The following EXOC6B variants were observed in gnomAD, a reference collection of about 807,000 sequenced individuals.
EXOC6B encodes the protein exocyst complex component 6B.
A neutral mutation model predicts 113.5 loss-of-function variants in EXOC6B; 54 were observed. The ratio of observed to expected loss-of-function variants is 0.48; its 90% CI spans 0.38 to 0.60. The LOEUF (loss-of-function observed/expected upper bound fraction) is 0.60, where lower values mean the gene tolerates loss of function less well. EXOC6B is among the 20% of genes least tolerant of loss of function. EXOC6B has a pLI of 0.00. For missense variants in EXOC6B, 797 were observed against 977.5 expected (o/e 0.82, Z 2.46); for synonymous variants, 357 against 339.0 (o/e 1.05, Z -0.58).
intron 11 of EXOC6B, among the ~76,000 whole-genome samples, chr2:72,511,885 T>TC (rs1450864150): frequency 6.6e-6 from 1 of 152,108 alleles, no homozygotes; most frequent in African/African-American, 2.4e-5. Context: ...AGTTCATGGG[T>TC]CATGGATGAT....
At chr2:72,318,818 G>A (rs1687678467) in intron 20 of EXOC6B, among the ~76,000 whole-genome samples, 1 of 151,766 alleles carries the variant, frequency 6.6e-6, no homozygotes, top group Admixed American at 6.6e-5. Context: ...GAGATTCATG[G>A]GCCATTTAAT....
chr2:72,406,951 C>T (rs1018084763), intron 18 of EXOC6B, among the ~76,000 whole-genome samples: 1 of 151,880 alleles, frequency 6.6e-6, no homozygotes, highest in Non-Finnish European at 1.5e-5. Flanking sequence ...AATTGATAGA[C>T]TAATAAAGAA....
chr2:72,528,395 T>TA, intron 8 of EXOC6B, among the ~76,000 whole-genome samples: 1 of 152,216 alleles, frequency 6.6e-6, no homozygotes, highest in East Asian at 1.9e-4. Context: ...CCCACTCATC[T>TA]AACAGTCTAG....
At chr2:72,608,044 A>G (rs544291744) in intron 6 of EXOC6B, among the ~76,000 whole-genome samples, 3 of 152,276 alleles carry the variant, frequency 2.0e-5, no homozygotes, top group African/African-American at 7.2e-5. Flanking sequence ...TCAAAATAAC[A>G]AGTTTAAAGG....
chr2:72,201,785 G>A (rs932598095), intron 20 of EXOC6B, among the ~76,000 whole-genome samples: 20 of 152,130 alleles, frequency 1.3e-4, no homozygotes, highest in African/African-American at 4.6e-4. Context: ...TGGTAGAGAG[G>A]AACAGGCTCT....
intron 19 of EXOC6B, among the ~76,000 whole-genome samples, chr2:72,354,896 C>T (rs902064495): frequency 2.0e-5 from 3 of 152,200 alleles, no homozygotes; most frequent in African/African-American, 7.2e-5. Flanking sequence ...AAAAGATTTG[C>T]AGTTTGTGTA....
At chr2:72,186,670 A>T (rs1043224189) in intron 20 of EXOC6B, among the ~76,000 whole-genome samples, 8 of 152,246 alleles carry the variant, frequency 5.3e-5, no homozygotes, top group African/African-American at 1.9e-4. Context: ...TTTTCAGCAT[A>T]TATGGACATA....
chr2:72,252,940 T>C (rs961247617), intron 20 of EXOC6B, among the ~76,000 whole-genome samples: 7 of 151,200 alleles, frequency 4.6e-5, no homozygotes, highest in East Asian at 1.9e-4. Flanking sequence ...CACTTACATA[T>C]GGAAACTGCA....
At chr2:72,625,899 A>T (rs952806807) in intron 6 of EXOC6B, among the ~76,000 whole-genome samples, 3 of 152,206 alleles carry the variant, frequency 2.0e-5, no homozygotes. Flanking sequence ...GGTTTTTTAC[A>T]AAACTATTAC....
intron 18 of EXOC6B, among the ~76,000 whole-genome samples, chr2:72,430,172 T>C (rs1482812925): frequency 6.6e-6 from 1 of 152,244 alleles, no homozygotes; most frequent in Non-Finnish European, 1.5e-5. Context: ...TACAGAGTTT[T>C]ATAAGACAGG....
chr2:72,535,557 T>A (rs1341639208), intron 8 of EXOC6B, among the ~76,000 whole-genome samples: 2 of 152,134 alleles, frequency 1.3e-5, no homozygotes, highest in African/African-American at 4.8e-5. Context: ...GTTTTCAAGT[T>A]GCACAGAAGG....
chr2:72,469,852 A>AT (rs1012275680), intron 17 of EXOC6B, among the ~76,000 whole-genome samples: 3 of 152,124 alleles, frequency 2.0e-5, no homozygotes, highest in Admixed American at 6.6e-5. Flanking sequence ...TGTTCCAGAA[A>AT]TTTTAATGAC....
intron 20 of EXOC6B, among the ~76,000 whole-genome samples, chr2:72,296,120 T>C (rs185747459): frequency 4.6e-5 from 7 of 152,130 alleles, no homozygotes; most frequent in Non-Finnish European, 7.4e-5. Context: ...AATAATAATA[T>C]ATTAAAATAA....
At chr2:72,234,083 CT>C (rs34660222) in intron 20 of EXOC6B, among the ~76,000 whole-genome samples, 3,883 of 131,842 alleles carry the variant, frequency 0.029, 91 homozygotes, top group African/African-American at 0.04. Flanking sequence ...TGGACCGCCT[CT>C]TTTTTTTTTT....
At chr2:72,340,336 C>G (rs558201401) in intron 19 of EXOC6B, among the ~76,000 whole-genome samples, 2 of 152,024 alleles carry the variant, frequency 1.3e-5, no homozygotes, top group Admixed American at 6.6e-5. Flanking sequence ...TTTTCTAAAT[C>G]TTTGCAAAAT....
chr2:72,412,922 T>C (rs566314292), intron 18 of EXOC6B, among the ~76,000 whole-genome samples: 1 of 152,012 alleles, frequency 6.6e-6, no homozygotes, highest in Admixed American at 6.5e-5. Flanking sequence ...TTCCTTTCCT[T>C]TCCTTCCTTC....
intron 1 of EXOC6B, among the ~76,000 whole-genome samples, chr2:72,746,915 G>A (rs1681736018): frequency 6.6e-6 from 1 of 151,998 alleles, no homozygotes; most frequent in African/African-American, 2.4e-5. Flanking sequence ...AGCTCTCATT[G>A]TACACTCAAG....
At chr2:72,230,119 G>T (rs1417360288) in intron 20 of EXOC6B, among the ~76,000 whole-genome samples, 1 of 152,092 alleles carries the variant, frequency 6.6e-6, no homozygotes, top group Non-Finnish European at 1.5e-5. Flanking sequence ...CAACTAGTAA[G>T]TTTGATTAAC....
rs557185073 is a variant in EXOC6B at position 72,383,566 on chromosome 2, C to T, written c.1981-3696G>A. On this transcript the variant is annotated intron_variant, in intron 18 of 21. Transcript: ENST00000272427. ...CTGCTGGTCAGAGTGTAAATTAGTT[C>T]AGCCATTGTGGAAAGCAGTGTGGTG... 7.6e-4 allele frequency among the ~76,000 whole-genome samples: 116 copies of T among 152,196 alleles called. 1 individual carries two copies. The highest frequency in any genetic ancestry group is 1.3e-3 in the Non-Finnish European group (89 of 68,000).
Sources: allele counts gnomAD v4.1 joint callset (sites outside exome capture counted in the v4.1 genomes callset), GRCh38; gene constraint gnomAD v4.1.1; transcripts MANE v1.5; gene names NCBI Gene and HGNC (gene_info 2026-07-23, HGNC 2026-07-21).